CYP2C19: variants seen among roughly 807,000 people sequenced by gnomAD.
The protein encoded by CYP2C19 is cytochrome P450 2C19.
Under a neutral mutation model 40.9 loss-of-function variants are expected in CYP2C19, and 59 were observed. That is an observed-to-expected ratio of 1.44 (90% CI 1.17 to 1.79). The LOEUF (loss-of-function observed/expected upper bound fraction) is 1.79, where lower values mean the gene tolerates loss of function less well. CYP2C19 is among the 40% of genes most tolerant of loss of function. The pLI is 0.00. For missense variants in CYP2C19, 754 were observed against 596.9 expected, an observed-to-expected ratio of 1.26 and a Z score of -2.74; for synonymous variants, 253 against 208.7, an observed-to-expected ratio of 1.21 and a Z score of -1.83.
intron 8 of CYP2C19, among the ~76,000 whole-genome samples, chr10:94,851,704 G>A (rs1430734292): frequency 1.3e-5 from 2 of 152,064 alleles, no homozygotes; most frequent in African/African-American, 2.4e-5. Context: ...TCATGTGGCA[G>A]AAGCACAAAA....
intron 6 of CYP2C19, among the ~76,000 whole-genome samples, chr10:94,824,603 T>C: frequency 6.6e-6 from 1 of 152,216 alleles, no homozygotes; most frequent in Non-Finnish European, 1.5e-5. Flanking sequence ...CCTGTTTTTT[T>C]CCAAGACAGT....
chr10:94,822,811 G>C (rs1173465076), intron 6 of CYP2C19, among the ~76,000 whole-genome samples: 1 of 151,812 alleles, frequency 6.6e-6, no homozygotes, highest in Non-Finnish European at 1.5e-5. Flanking sequence ...ATTTTGATTT[G>C]GATTTCTCTG....
intron 1 of CYP2C19, among the ~76,000 whole-genome samples, chr10:94,772,782 CT>C (rs565374750): frequency 6.6e-6 from 1 of 151,796 alleles, no homozygotes; most frequent in African/African-American, 2.4e-5. Flanking sequence ...ACATTGGTCA[CT>C]TTTTGTTTTG....
At chr10:94,825,784 G>T (rs1305215317) in intron 6 of CYP2C19, among the ~76,000 whole-genome samples, 1 of 124,350 alleles carries the variant, frequency 8.0e-6, no homozygotes. Flanking sequence ...GGTTTTTATG[G>T]TTTTAGGTCT....
At position 94,827,969 on chromosome 10, in the gene CYP2C19, C is replaced by T. The variant is rs567260291; in HGVS notation, c.961+7332C>T. ...GTTGTTCAGTTTCCATGTAGTTGAG[C>T]GGTTTTGAGTGAGTTTCTTAATCCC... On this transcript the variant is annotated intron_variant, in intron 6 of 8. Transcript: ENST00000371321. 2.2e-4 allele frequency among the ~76,000 whole-genome samples: 34 copies of T among 151,732 alleles called. No individual in the cohort carries two copies. The South Asian group carries it at 2.5e-3, about 11-fold the overall frequency.
intron 7 of CYP2C19, among the ~76,000 whole-genome samples, chr10:94,847,594 G>A (rs930196541): frequency 1.3e-5 from 2 of 152,168 alleles, no homozygotes; most frequent in African/African-American, 4.8e-5. Context: ...TATATACCCA[G>A]TAATGGGATG....
chr10:94,800,066 C>T (rs1848742970), intron 5 of CYP2C19, among the ~76,000 whole-genome samples: 1 of 152,158 alleles, frequency 6.6e-6, no homozygotes, highest in African/African-American at 2.4e-5. Context: ...GCTGTAATCC[C>T]TTGAGGAGGA....
chr10:94,790,306 C>A (rs1161177736), intron 5 of CYP2C19, among the ~76,000 whole-genome samples: 1 of 152,126 alleles, frequency 6.6e-6, no homozygotes. Flanking sequence ...AACAATTTGA[C>A]TTCCTCTTTT....
At chr10:94,823,575 C>G (rs1408530163) in intron 6 of CYP2C19, among the ~76,000 whole-genome samples, 1 of 152,104 alleles carries the variant, frequency 6.6e-6, no homozygotes, top group Non-Finnish European at 1.5e-5. Context: ...GAAATGAAAA[C>G]ATACTCTGCT....
intron 7 of CYP2C19, among the ~76,000 whole-genome samples, chr10:94,845,231 C>T (rs552896424): frequency 6.6e-6 from 1 of 152,090 alleles, no homozygotes; most frequent in African/African-American, 2.4e-5. Context: ...ACTTTTTAGG[C>T]CATGATGTTT....
At chr10:94,766,964 T>C (rs1329706710) in intron 1 of CYP2C19, among the ~76,000 whole-genome samples, 1 of 152,174 alleles carries the variant, frequency 6.6e-6, no homozygotes, top group African/African-American at 2.4e-5. Flanking sequence ...GAAACAACTC[T>C]GTTCCCTTTT....
At chr10:94,798,768 G>A (rs1044125861) in intron 5 of CYP2C19, among the ~76,000 whole-genome samples, 3 of 135,358 alleles carry the variant, frequency 2.2e-5, no homozygotes, top group Non-Finnish European at 3.2e-5. Context: ...TTTGTTCTTT[G>A]TTGGTTTAAA....
At chr10:94,842,667 T>C (rs888686373) in intron 6 of CYP2C19, among the ~76,000 whole-genome samples, 170 bp from the exon 7 acceptor site, 2 of 152,176 alleles carry the variant, frequency 1.3e-5, no homozygotes, top group Non-Finnish European at 2.9e-5. Context: ...CAGTTACACA[T>C]TTGTGCATCT....
intron 5 of CYP2C19, among the ~76,000 whole-genome samples, chr10:94,818,935 C>A (rs1433471730): frequency 1.3e-5 from 2 of 151,984 alleles, no homozygotes; most frequent in Non-Finnish European, 2.9e-5. Context: ...ACAGAATATA[C>A]ATTTTTTTCA....
intron 6 of CYP2C19, among the ~76,000 whole-genome samples, chr10:94,823,866 C>A (rs563361874): frequency 2.6e-5 from 4 of 152,236 alleles, no homozygotes; most frequent in Middle Eastern, 6.8e-3. Context: ...AGCAATCAGA[C>A]CTCATATAGG....
intron 5 of CYP2C19, among the ~76,000 whole-genome samples, chr10:94,785,190 T>C (rs1848525867): frequency 6.6e-6 from 1 of 152,154 alleles, no homozygotes. Flanking sequence ...TTATCTATTT[T>C]TTCTTTTGCT....
chr10:94,793,619 G>C (rs973592369), intron 5 of CYP2C19, among the ~76,000 whole-genome samples: 4 of 152,132 alleles, frequency 2.6e-5, no homozygotes, highest in African/African-American at 9.7e-5. Context: ...GTTTGCTGGA[G>C]GTCCACTCCA....
In CYP2C19 at chr10:94,832,627, G is replaced by A. The variant is rs139644653; in HGVS notation, c.962-10210G>A. 1.6e-3 allele frequency among the ~76,000 whole-genome samples: 240 copies of A among 152,252 alleles called. 1 individual carries two copies. The highest frequency in any genetic ancestry group is 2.8e-3 in the Non-Finnish European group (187 of 67,988). On this transcript the variant is annotated intron_variant, in intron 6 of 8. Transcript: ENST00000371321. ...TTCTGTTCCATTGGTCTATGTGTCT[G>A]TTTTTATGTCAGTACCATGCTGTTT...
chr10:94,826,266 A>G (rs1233414931), intron 6 of CYP2C19, among the ~76,000 whole-genome samples: 5 of 152,018 alleles, frequency 3.3e-5, no homozygotes, highest in South Asian at 2.1e-4. Flanking sequence ...CCATTTTCAC[A>G]ATATTGATTC....
Sources: gnomAD v4.1 joint callset for allele counts (sites outside exome capture counted in the v4.1 genomes callset) on GRCh38, gnomAD v4.1.1 for gene constraint, MANE v1.5 for transcripts, NCBI Gene and HGNC (gene_info 2026-07-23, HGNC 2026-07-21) for gene names.